Variants in KIF26B observed in about 807,000 individuals in gnomAD.
KIF26B encodes the protein kinesin-like protein KIF26B.
In KIF26B, 63 loss-of-function variants were observed where a neutral mutation model predicts 151.2. The ratio of observed to expected loss-of-function variants is 0.42; its 90% CI spans 0.34 to 0.51. KIF26B has a LOEUF of 0.51. KIF26B is among the 20% of genes least tolerant of loss of function. The pLI is 0.07. For synonymous variants in KIF26B, 1,357 were observed against 1,262.1 expected (o/e 1.08, Z -1.59); for missense variants, 2,813 against 2,913.6 (o/e 0.97, Z 0.79).
intron 4 of KIF26B, among the ~76,000 whole-genome samples, chr1:245,539,548 G>T (rs956674455): frequency 2.0e-5 from 3 of 152,218 alleles, no homozygotes; most frequent in Non-Finnish European, 4.4e-5. Context: ...TAAACATCAA[G>T]AATTCATCCA....
At chr1:245,390,047 C>T (rs1673647206) in intron 3 of KIF26B, among the ~76,000 whole-genome samples, 1 of 152,124 alleles carries the variant, frequency 6.6e-6, no homozygotes, top group Non-Finnish European at 1.5e-5. Context: ...ACGGTGTTGA[C>T]ATTTGCTCTA....
At chr1:245,661,775 T>C (rs937177666) in intron 10 of KIF26B, among the ~76,000 whole-genome samples, 2 of 101,268 alleles carry the variant, frequency 2.0e-5, no homozygotes, top group Non-Finnish European at 4.2e-5. Context: ...ATACACCCAA[T>C]GATATATATA....
At chr1:245,542,861 G>A (rs1291866630) in intron 5 of KIF26B, among the ~76,000 whole-genome samples, 1 of 152,204 alleles carries the variant, frequency 6.6e-6, no homozygotes, top group Non-Finnish European at 1.5e-5. Flanking sequence ...GAACTGCTCT[G>A]GACACAGTGA....
In KIF26B at chr1:245,588,480, C is replaced by T. The variant is rs562324473; in HGVS notation, c.1351-14097C>T. On this transcript the variant is annotated intron_variant, in intron 5 of 14. Coordinates refer to ENST00000407071, the MANE Select transcript of KIF26B (RefSeq NM_018012.4). ...CGTCTCATTAGCGTTTGCTCCTTTC[C>T]TCCAGCTGGGCTTCACTGGGCCCCT... 7.7e-4 allele frequency among the ~76,000 whole-genome samples: 118 copies of T among 152,276 alleles called. 1 individual carries two copies. In the South Asian group the frequency reaches 0.022, roughly 28 times the overall value.
intron 3 of KIF26B, among the ~76,000 whole-genome samples, chr1:245,376,149 C>G (rs1185943806): frequency 6.6e-6 from 1 of 152,148 alleles, no homozygotes; most frequent in Non-Finnish European, 1.5e-5. Flanking sequence ...GGAAGTTCAT[C>G]TTTGCTAGAG....
At chr1:245,278,191 A>G (rs60407911) in intron 2 of KIF26B, among the ~76,000 whole-genome samples, 11,801 of 152,220 alleles carry the variant, frequency 0.078, 576 homozygotes, top group Middle Eastern at 0.12. Context: ...TTCAGACTCT[A>G]CACCATGCAT....
Position 245,239,648 on chromosome 1 carries a change from T to C in KIF26B, c.465+82965T>C, listed in dbSNP as rs1013320686. On this transcript the variant is annotated intron_variant, in intron 2 of 14. Transcript: ENST00000407071. This position sits in a 1 kb window ranked among gnomAD's most constrained non-coding sequence, Gnocchi z 4.3. ...CCTCCATAGTAGCTGGGATTACAGG[T>C]GCCCGCCACCACGCCTGGCTAATTT... Among the ~76,000 whole-genome samples the C allele has an allele frequency of 2.0e-5, 3 of 151,970 alleles. No homozygotes were observed. The highest frequency in any genetic ancestry group is 4.8e-5 in the African/African-American group (2 of 41,380).
chr1:245,609,407 TG>T lies in KIF26B; in HGVS notation c.1795del (p.Glu599LysfsTer118). On this transcript the variant is annotated frameshift_variant, in exon 8 of 15. Coordinates refer to ENST00000407071, the MANE Select transcript of KIF26B (RefSeq NM_018012.4). LOFTEE classifies it high-confidence loss of function. ...CGTTTCTCAGTCCGGGTTTCCGCCG[TG>T]GAAGTGTGGGGGAAGGAGGAGAACC... The part of the protein sequence containing the change: ...GARFSVRVSA[V>X]EVWGKEENLR... 1 of 1,609,202 alleles carries T rather than the reference TG, an allele frequency of 6.2e-7. No homozygotes were observed. The highest frequency in any genetic ancestry group is 1.1e-5 in the South Asian group (1 of 89,742).
intron 2 of KIF26B, among the ~76,000 whole-genome samples, chr1:245,325,763 G>A (rs995384993): frequency 7.2e-5 from 11 of 152,114 alleles, no homozygotes; most frequent in Non-Finnish European, 1.5e-4. Context: ...CTGATTCTAG[G>A]AATAGGAACG....
At chr1:245,161,653 C>T (rs1367755873) in intron 2 of KIF26B, among the ~76,000 whole-genome samples, 1 of 152,114 alleles carries the variant, frequency 6.6e-6, no homozygotes, top group Non-Finnish European at 1.5e-5. Flanking sequence ...CACATAATCT[C>T]ATATATTAAA....
intron 3 of KIF26B, among the ~76,000 whole-genome samples, chr1:245,382,550 T>TGG (rs1161159903): frequency 6.8e-6 from 1 of 148,112 alleles, no homozygotes; most frequent in African/African-American, 2.5e-5. Flanking sequence ...TGTGTGTGTG[T>TGG]GTGTTTTGTT....
intron 5 of KIF26B, among the ~76,000 whole-genome samples, chr1:245,567,781 C>A (rs1182830158): frequency 6.6e-6 from 1 of 152,164 alleles, no homozygotes; most frequent in Non-Finnish European, 1.5e-5. Context: ...TCAGTACTAA[C>A]AGTGCAAGTA....
chr1:245,470,653 A>G (rs1193174341), intron 4 of KIF26B, among the ~76,000 whole-genome samples: 1 of 151,684 alleles, frequency 6.6e-6, no homozygotes, highest in Non-Finnish European at 1.5e-5. Flanking sequence ...GATGGTCTCC[A>G]TCTCCTGACC....
rs1171579795 is a variant in KIF26B at position 245,635,113 on chromosome 1, TC to T, written c.2099-11007del. 2.6e-5 allele frequency among the ~76,000 whole-genome samples: 4 copies of T among 151,072 alleles called. No homozygotes were observed. In the East Asian group the frequency reaches 5.8e-4, roughly 22 times the overall value. On this transcript the variant is annotated intron_variant, in intron 9 of 14. Transcript: ENST00000407071. ...AGGTTTTTGTGTTTTTTTTTTTTTTTCAAACAACATACTTGTTTGCTTTTGG... is the reference window on the plus strand; with the variant it reads ...AGGTTTTTGTGTTTTTTTTTTTTTTTAAACAACATACTTGTTTGCTTTTGG...
intron 2 of KIF26B, among the ~76,000 whole-genome samples, chr1:245,161,406 G>A (rs1668527408): frequency 6.6e-6 from 1 of 152,146 alleles, no homozygotes; most frequent in Non-Finnish European, 1.5e-5. Flanking sequence ...TTGCAGATAG[G>A]ATTACTACAT....
At chr1:245,677,622 C>A (rs755041482) in intron 10 of KIF26B, among the ~76,000 whole-genome samples, 3 of 152,224 alleles carry the variant, frequency 2.0e-5, no homozygotes, top group Non-Finnish European at 2.9e-5. Context: ...CATTAGCATC[C>A]TTGAAGGGAA....
intron 9 of KIF26B, 129 bp downstream of exon 9, chr1:245,612,105 T>TGTGTGTGTGA (rs764505406): frequency 2.6e-5 from 8 of 312,650 alleles, no homozygotes; most frequent in Admixed American, 2.2e-4. Flanking sequence ...TGTGTGTGTG[T>TGTGTGTGTGA]GAGAGAGAGA....
At chr1:245,679,449 T>G (rs199508045) in intron 10 of KIF26B, among the ~76,000 whole-genome samples, 4,433 of 102,718 alleles carry the variant, frequency 0.043, 220 homozygotes, top group South Asian at 0.09. Context: ...TGTGTTTTTT[T>G]TGTGTGTGTT....
At chr1:245,661,586 A>AAT (rs941863886) in intron 10 of KIF26B, among the ~76,000 whole-genome samples, 5 of 150,968 alleles carry the variant, frequency 3.3e-5, no homozygotes, top group African/African-American at 1.2e-4. Context: ...ACACACCCCC[A>AAT]ATATATATAT....
Sources: allele counts gnomAD v4.1 joint callset (sites outside exome capture counted in the v4.1 genomes callset), GRCh38; gene constraint gnomAD v4.1.1; non-coding constraint Gnocchi (gnomAD v3.1); transcripts MANE v1.5; gene names NCBI Gene and HGNC (gene_info 2026-07-23, HGNC 2026-07-21).